Variants in OPCML observed in about 807,000 individuals in gnomAD.
OPCML encodes opioid-binding protein/cell adhesion molecule.
A neutral mutation model predicts 37.8 loss-of-function variants in OPCML; 13 were observed. The ratio of observed to expected loss-of-function variants is 0.34; its 90% CI spans 0.22 to 0.55. The LOEUF (loss-of-function observed/expected upper bound fraction) is 0.55. Ranked by LOEUF, OPCML falls within the 20% of genes least tolerant of loss-of-function variation. The probability of loss-of-function intolerance (pLI) is 0.91; values close to 1 mark genes in which losing one functional copy is unlikely to be tolerated. For synonymous variants in OPCML, 176 were observed against 168.8 expected, an observed-to-expected ratio of 1.04 and a Z score of -0.33; for missense variants, 341 against 435.6, an observed-to-expected ratio of 0.78 and a Z score of 1.93.
chr11:132,433,354 GA>G (rs2096003560), intron 7 of OPCML, among the ~76,000 whole-genome samples: 1 of 152,138 alleles, frequency 6.6e-6, no homozygotes, highest in Admixed American at 6.5e-5. Flanking sequence ...CTACTTAGCC[GA>G]GTGGACTCAG....
intron 1 of OPCML, among the ~76,000 whole-genome samples, chr11:133,433,647 G>A (rs1453713919): frequency 6.6e-6 from 1 of 152,158 alleles, no homozygotes; most frequent in African/African-American, 2.4e-5. Context: ...TCATGGGAGA[G>A]CAGTCTTCCA....
chr11:133,345,859 A>G (rs960992190), intron 1 of OPCML, among the ~76,000 whole-genome samples: 1 of 152,116 alleles, frequency 6.6e-6, no homozygotes, highest in Non-Finnish European at 1.5e-5. Context: ...ATACACTTCA[A>G]TTCTCAATAT....
intron 1 of OPCML, among the ~76,000 whole-genome samples, chr11:133,304,215 G>GAA (rs1369980493): frequency 1.3e-5 from 2 of 152,284 alleles, no homozygotes; most frequent in East Asian, 3.9e-4. Flanking sequence ...AACGTCTGCT[G>GAA]GGACATGAAG....
intron 2 of OPCML, among the ~76,000 whole-genome samples, chr11:132,721,950 C>CTTTTTTTTTTTT (rs34325848): frequency 2.4e-5 from 2 of 82,782 alleles, no homozygotes; most frequent in Non-Finnish European, 4.3e-5. Context: ...CTTTCCTTCC[C>CTTTTTTTTTTTT]TTTTTTTTTT....
At chr11:132,914,526 T>TA (rs1393208310) in intron 2 of OPCML, among the ~76,000 whole-genome samples, 2 of 152,212 alleles carry the variant, frequency 1.3e-5, no homozygotes, top group African/African-American at 4.8e-5. Flanking sequence ...ATGATGTCTT[T>TA]ATCCCTTTGT....
At chr11:132,575,508 A>T (rs762089491) in intron 3 of OPCML, among the ~76,000 whole-genome samples, 2 of 152,070 alleles carry the variant, frequency 1.3e-5, no homozygotes, top group African/African-American at 2.4e-5. Context: ...GTTTAATGAC[A>T]TGTAAAAACT....
At chr11:132,635,780 C>G (rs527385835) in intron 3 of OPCML, among the ~76,000 whole-genome samples, 1 of 152,142 alleles carries the variant, frequency 6.6e-6, no homozygotes, top group Non-Finnish European at 1.5e-5. Flanking sequence ...TCACTCCACC[C>G]CACTGCCCTT....
At chr11:133,520,226 C>T (rs1948370369) in intron 1 of OPCML, among the ~76,000 whole-genome samples, 1 of 151,984 alleles carries the variant, frequency 6.6e-6, no homozygotes, top group African/African-American at 2.4e-5. Flanking sequence ...AGGACTCTTC[C>T]CAAGTGCAGT....
chr11:132,420,963 T>C (rs560992472), intron 7 of OPCML, among the ~76,000 whole-genome samples: 8 of 148,042 alleles, frequency 5.4e-5, no homozygotes, highest in African/African-American at 1.8e-4. Context: ...CCCAAGGGGC[T>C]CTCCCTTGAT....
At chr11:133,073,688 G>T (rs561239064) in intron 1 of OPCML, among the ~76,000 whole-genome samples, 85 of 152,316 alleles carry the variant, frequency 5.6e-4, no homozygotes, top group African/African-American at 2.0e-3. Flanking sequence ...CGAAGTCACC[G>T]TGTTGCCAGG....
intron 3 of OPCML, among the ~76,000 whole-genome samples, chr11:132,538,686 T>C (rs1334640744): frequency 6.6e-6 from 1 of 152,228 alleles, no homozygotes; most frequent in Non-Finnish European, 1.5e-5. Flanking sequence ...ATTCTTTTCA[T>C]TTATTGATAG....
chr11:133,529,343 T>A (rs1948555017), intron 1 of OPCML, among the ~76,000 whole-genome samples: 1 of 152,118 alleles, frequency 6.6e-6, no homozygotes, highest in African/African-American at 2.4e-5. Context: ...AGACCCAAGG[T>A]CAAGAAGGCC....
intron 1 of OPCML, among the ~76,000 whole-genome samples, chr11:133,075,210 G>T (rs980472842): frequency 6.6e-5 from 10 of 152,198 alleles, no homozygotes; most frequent in African/African-American, 2.4e-4. Context: ...ATCAGAGGTG[G>T]CTGTAGGATC....
intron 1 of OPCML, among the ~76,000 whole-genome samples, chr11:133,031,164 T>C (rs1217267808): frequency 6.6e-6 from 1 of 152,142 alleles, no homozygotes; most frequent in South Asian, 2.1e-4. Flanking sequence ...GATGAATGGA[T>C]AGATGGATAA....
chr11:133,190,648 A>G (rs1344592134), intron 1 of OPCML, among the ~76,000 whole-genome samples: 1 of 152,174 alleles, frequency 6.6e-6, no homozygotes, highest in Non-Finnish European at 1.5e-5. Context: ...CCATCTCCCC[A>G]GTTCTATACA....
chr11:132,984,868 T>G (rs1272132333), intron 1 of OPCML, among the ~76,000 whole-genome samples: 1 of 152,218 alleles, frequency 6.6e-6, no homozygotes, highest in Non-Finnish European at 1.5e-5. Flanking sequence ...CCGCTTCCTC[T>G]GCTTCCCTGG....
intron 1 of OPCML, among the ~76,000 whole-genome samples, chr11:133,380,077 T>C (rs1250557888): frequency 6.6e-6 from 1 of 152,104 alleles, no homozygotes; most frequent in East Asian, 1.9e-4. Flanking sequence ...CAAAGATGAG[T>C]ACAACATGGT....
chr11:132,640,277 C>T (rs1320436887), intron 3 of OPCML, among the ~76,000 whole-genome samples: 1 of 152,068 alleles, frequency 6.6e-6, no homozygotes, highest in African/African-American at 2.4e-5. Flanking sequence ...AACATCAGTG[C>T]GTGGCTTGGT....
intron 1 of OPCML, chr11:133,302,076 T>C (rs149797429): frequency 3.3e-5 from 5 of 152,312 alleles, no homozygotes; most frequent in African/African-American, 1.2e-4. Flanking sequence ...TGATTCTGAC[T>C]ATAAGTGTCA....
Sources: gnomAD v4.1 joint callset for allele counts (sites outside exome capture counted in the v4.1 genomes callset) on GRCh38, gnomAD v4.1.1 for gene constraint, MANE v1.5 for transcripts, NCBI Gene and HGNC (gene_info 2026-07-23, HGNC 2026-07-21) for gene names.